The following RNF150 variants were observed in gnomAD, a reference collection of about 807,000 sequenced individuals.
RNF150 encodes ring finger protein 150.
Under a neutral mutation model 39.3 loss-of-function variants are expected in RNF150, and 24 were observed. The ratio of observed to expected loss-of-function variants is 0.61; its 90% CI spans 0.44 to 0.86. The LOEUF (loss-of-function observed/expected upper bound fraction) is 0.86. RNF150 is among the 40% of genes least tolerant of loss of function. RNF150 has a pLI of 0.00. For synonymous variants in RNF150, 255 were observed against 227.3 expected (o/e 1.12, Z -1.10); for missense variants, 502 against 587.8 (o/e 0.85, Z 1.51).
chr4:140,944,094 G>C (rs1042107008), intron 4 of RNF150, among the ~76,000 whole-genome samples: 1 of 152,156 alleles, frequency 6.6e-6, no homozygotes, highest in Non-Finnish European at 1.5e-5. Flanking sequence ...CTGAAGAACA[G>C]TAGGGACACC....
At chr4:141,098,802 A>C (rs537297902) in intron 1 of RNF150, among the ~76,000 whole-genome samples, 1 of 152,204 alleles carries the variant, frequency 6.6e-6, no homozygotes, top group South Asian at 2.1e-4. Context: ...TTCCTTCCTC[A>C]TTGTACAAGG....
At position 140,914,775 on chromosome 4, in the gene RNF150, A is replaced by G. The variant is rs554875955; in HGVS notation, c.988-3421T>C. Among the ~76,000 whole-genome samples, 194 of 152,322 alleles carry G rather than the reference A, an allele frequency of 1.3e-3. 1 individual carries two copies. Among genetic ancestry groups the G allele is most frequent in the Non-Finnish European group, 2.4e-3 (163 of 68,024 alleles). ...TTCAGTATTATATTTCCCGTAGCAA[A>G]ATATAATGGAAAATGATACCTATTG... is the stretch of plus-strand genomic sequence containing the variant. On this transcript the variant is annotated intron_variant, in intron 5 of 6. Coordinates refer to ENST00000515673, the MANE Select transcript of RNF150 (RefSeq NM_020724.2).
rs1726941584 is a variant in RNF150 at position 141,132,835 on chromosome 4, C to G, written c.-27G>C. ...TTTATCCGCCGGGGCCCCCTCCCCGCCCCCGCGCCCTCCCTCCGTCCCGTC... is the reference window on the plus strand; with the variant it reads ...TTTATCCGCCGGGGCCCCCTCCCCGGCCCCGCGCCCTCCCTCCGTCCCGTC... On this transcript the variant is annotated 5_prime_UTR_variant, in exon 1 of 7. Coordinates refer to ENST00000515673, the MANE Select transcript of RNF150 (RefSeq NM_020724.2). The surrounding 1 kb of genome is among the most constrained non-coding windows in gnomAD (Gnocchi z 4.9). 6.3e-7 allele frequency: 1 copy of G among 1,590,102 alleles called. No individual in the cohort carries two copies. Among genetic ancestry groups the G allele is most frequent in the South Asian group, 1.1e-5 (1 of 90,018 alleles).
chr4:140,946,744 G>T (rs1360506004), intron 4 of RNF150, among the ~76,000 whole-genome samples: 1 of 152,102 alleles, frequency 6.6e-6, no homozygotes, highest in East Asian at 1.9e-4. Context: ...GGTCTCAAGC[G>T]ATCCTCCTGT....
chr4:141,002,853 T>TTAATTATCTC (rs57060836), intron 1 of RNF150, among the ~76,000 whole-genome samples: 11,526 of 152,206 alleles, frequency 0.076, 487 homozygotes, highest in Middle Eastern at 0.16. Context: ...GAAGTCAGCT[T>TTAATTATCTC]TAAGGTCTCT....
intron 2 of RNF150, 81 bp downstream of exon 2, chr4:140,967,542 G>T: frequency 7.5e-7 from 1 of 1,335,364 alleles, no homozygotes; most frequent in Non-Finnish European, 1.0e-6. Flanking sequence ...GTTTTGGCTT[G>T]GTATTTTCTG....
chr4:140,936,373 T>G (rs1190022247), intron 4 of RNF150, among the ~76,000 whole-genome samples: 1 of 152,202 alleles, frequency 6.6e-6, no homozygotes, highest in African/African-American at 2.4e-5. Flanking sequence ...TTTCCAAAGC[T>G]GTTGTGCTAT....
chr4:141,075,529 C>T (rs1440986868), intron 1 of RNF150, among the ~76,000 whole-genome samples: 1 of 152,174 alleles, frequency 6.6e-6, no homozygotes. Context: ...CAGAATATTG[C>T]TATATTTTCC....
intron 6 of RNF150, among the ~76,000 whole-genome samples, chr4:140,906,545 A>G (rs1730383014): frequency 6.6e-6 from 1 of 152,196 alleles, no homozygotes. Flanking sequence ...ATGACTGTTC[A>G]ACATGTTAGA....
At chr4:141,149,771 A>G (rs1218361273) in intron 1 of RNF150, among the ~76,000 whole-genome samples, 1 of 152,240 alleles carries the variant, frequency 6.6e-6, no homozygotes, top group Non-Finnish European at 1.5e-5. Context: ...TTTCTGGATC[A>G]AATGGTAGCT....
At chr4:140,990,138 AT>A (rs1734145443) in intron 1 of RNF150, among the ~76,000 whole-genome samples, 1 of 152,208 alleles carries the variant, frequency 6.6e-6, no homozygotes, top group Non-Finnish European at 1.5e-5. Context: ...CACAGACTGC[AT>A]TCTGCAACAC....
intron 4 of RNF150, among the ~76,000 whole-genome samples, chr4:140,944,979 T>G (rs200999558): frequency 6.6e-6 from 1 of 152,206 alleles, no homozygotes; most frequent in East Asian, 1.9e-4. Context: ...ATACCTTGAT[T>G]TTAAAACCTA....
At position 141,132,813 on chromosome 4, in the gene RNF150, A is replaced by C; in HGVS notation, c.-5T>G. The C allele has an allele frequency of 6.3e-7, 1 of 1,596,786 alleles. No homozygotes were observed. The highest frequency in any genetic ancestry group is 1.1e-5 in the South Asian group (1 of 90,522). On this transcript the variant is annotated 5_prime_UTR_variant, in exon 1 of 7. Coordinates refer to ENST00000515673, the MANE Select transcript of RNF150 (RefSeq NM_020724.2). This position sits in a 1 kb window ranked among gnomAD's most constrained non-coding sequence, Gnocchi z 4.9. ...TTGGATGAGAGACATTGCCATCTTT[A>C]TCCGCCGGGGCCCCCTCCCCGCCCC...
intron 6 of RNF150, among the ~76,000 whole-genome samples, chr4:140,897,318 G>C (rs1373759199): frequency 1.3e-5 from 2 of 152,172 alleles, no homozygotes; most frequent in African/African-American, 2.4e-5. Flanking sequence ...CCTCGGGCAG[G>C]CACTCTGGGG....
At chr4:141,028,538 T>C (rs6827190) in intron 1 of RNF150, among the ~76,000 whole-genome samples, 2,872 of 152,256 alleles carry the variant, frequency 0.019, 95 homozygotes, top group African/African-American at 0.065. Context: ...CTTAGACAAA[T>C]GGAGTATGAA....
intron 1 of RNF150, among the ~76,000 whole-genome samples, chr4:141,053,028 C>G (rs1736838045): frequency 6.6e-6 from 1 of 151,982 alleles, no homozygotes. Flanking sequence ...TAATAATAAC[C>G]ACACCCACCT....
intron 1 of RNF150, among the ~76,000 whole-genome samples, chr4:141,008,497 G>C (rs1734951390): frequency 6.6e-6 from 1 of 152,038 alleles, no homozygotes; most frequent in African/African-American, 2.4e-5. Flanking sequence ...TTATCCTAAG[G>C]TTACAAAATA....
chr4:141,191,366 TC>T lies in RNF150; in HGVS notation c.-6+21427del, dbSNP rs1177592580. On this transcript the variant is annotated intron_variant, in intron 1 of 7. Coordinates refer to the RNF150 transcript ENST00000420921. ...CTCTGGTTTGGGTGTCCCACCTCAA[TC>T]CTTTGCCCAAGTATATCCAATGTCA... 3.3e-5 allele frequency among the ~76,000 whole-genome samples: 5 copies of T among 152,340 alleles called. No individual in the cohort carries two copies. In the South Asian group the frequency reaches 1.0e-3, roughly 32 times the overall value.
At chr4:141,161,373 T>C (rs1727510037) in intron 1 of RNF150, among the ~76,000 whole-genome samples, 1 of 152,220 alleles carries the variant, frequency 6.6e-6, no homozygotes, top group Admixed American at 6.5e-5. Flanking sequence ...TAACAACCTA[T>C]GCACATGTGT....
Sources: allele counts gnomAD v4.1 joint callset (sites outside exome capture counted in the v4.1 genomes callset), GRCh38; gene constraint gnomAD v4.1.1; non-coding constraint Gnocchi (gnomAD v3.1); transcripts MANE v1.5; gene names NCBI Gene and HGNC (gene_info 2026-07-23, HGNC 2026-07-21).